The following NALF1 variants were observed in gnomAD, a reference collection of about 807,000 sequenced individuals.
The protein encoded by NALF1 is NALCN channel auxiliary factor 1.
In NALF1, 3 loss-of-function variants were observed where a neutral mutation model predicts 48.4. The ratio of observed to expected loss-of-function variants is 0.06; its 90% CI spans 0.03 to 0.16. The LOEUF (loss-of-function observed/expected upper bound fraction) is 0.16. Among genes scored for constraint, NALF1 ranks in the 10% least tolerant of loss-of-function variants. The pLI is 1.00. For synonymous variants in NALF1, 262 were observed against 245.7 expected, an observed-to-expected ratio of 1.07 and a Z score of -0.62; for missense variants, 526 against 571.5, an observed-to-expected ratio of 0.92 and a Z score of 0.81.
At chr13:107,467,700 A>C (rs2139049095) in intron 1 of NALF1, among the ~76,000 whole-genome samples, 2 of 152,338 alleles carry the variant, frequency 1.3e-5, no homozygotes, top group South Asian at 4.1e-4. Flanking sequence ...GAAAAGTCAA[A>C]TACTTTAAAC....
At chr13:107,640,692 A>G (rs1268567171) in intron 1 of NALF1, among the ~76,000 whole-genome samples, 4 of 152,176 alleles carry the variant, frequency 2.6e-5, no homozygotes, top group African/African-American at 9.7e-5. Flanking sequence ...TTTCATTTGC[A>G]TGAGTATTTT....
intron 1 of NALF1, among the ~76,000 whole-genome samples, chr13:107,670,278 A>G (rs146112796): frequency 6.6e-6 from 1 of 152,024 alleles, no homozygotes; most frequent in Non-Finnish European, 1.5e-5. Context: ...TTTTATATAC[A>G]CTACGTATAC....
At chr13:107,661,291 G>C (rs1351985493) in intron 1 of NALF1, among the ~76,000 whole-genome samples, 1 of 152,156 alleles carries the variant, frequency 6.6e-6, no homozygotes, top group Non-Finnish European at 1.5e-5. Context: ...TTCATCACTA[G>C]AAATGGGTGC....
Position 107,362,422 on chromosome 13 carries a change from C to T in NALF1, c.916-151667G>A, listed in dbSNP as rs1286770745. ...ACCTGTAGAGTAGCATCTTCGCTTG[C>T]CTCCTCCTGACTTTGGAGGTATCAG... On this transcript the variant is annotated intron_variant, in intron 1 of 2. Transcript: ENST00000375915. This position sits in a 1 kb window ranked among gnomAD's most constrained non-coding sequence, Gnocchi z 4.6. 6.6e-6 allele frequency among the ~76,000 whole-genome samples: 1 copy of T among 152,126 alleles called. No individual in the cohort carries two copies. The highest frequency in any genetic ancestry group is 1.5e-5 in the Non-Finnish European group (1 of 68,016).
At chr13:107,303,340 G>C (rs1476955538) in intron 1 of NALF1, among the ~76,000 whole-genome samples, 2 of 152,124 alleles carry the variant, frequency 1.3e-5, no homozygotes, top group Non-Finnish European at 2.9e-5. Flanking sequence ...TGAAGAGCAA[G>C]AGAAGAAACA....
intron 1 of NALF1, among the ~76,000 whole-genome samples, chr13:107,411,965 C>A (rs1365628546): frequency 6.6e-6 from 1 of 152,082 alleles, no homozygotes. Context: ...AACATGGAGG[C>A]CACAAGGTTG....
intron 1 of NALF1, among the ~76,000 whole-genome samples, chr13:107,828,565 TTC>T (rs1566498015): frequency 1.4e-4 from 19 of 135,842 alleles, no homozygotes; most frequent in African/African-American, 2.9e-4. Flanking sequence ...TCATATTAAA[TTC>T]TATCTATCTA....
intron 1 of NALF1, among the ~76,000 whole-genome samples, chr13:107,380,922 G>A (rs916111724): frequency 7.5e-5 from 11 of 146,862 alleles, no homozygotes; most frequent in Non-Finnish European, 1.6e-4. Context: ...AGCTTGCAGA[G>A]AGCAGAGATC....
At chr13:107,706,051 T>C (rs1182362572) in intron 1 of NALF1, among the ~76,000 whole-genome samples, 2 of 152,194 alleles carry the variant, frequency 1.3e-5, no homozygotes, top group Non-Finnish European at 2.9e-5. Flanking sequence ...GTTTTATCTC[T>C]AGTATCGCCA....
intron 1 of NALF1, among the ~76,000 whole-genome samples, chr13:107,761,465 G>A (rs971900037): frequency 6.6e-6 from 1 of 152,154 alleles, no homozygotes; most frequent in African/African-American, 2.4e-5. Flanking sequence ...TAGAAGAAAT[G>A]GGTCCACTTG....
chr13:107,800,211 T>G (rs779345458), intron 1 of NALF1, among the ~76,000 whole-genome samples: 81 of 152,178 alleles, frequency 5.3e-4, no homozygotes, highest in Non-Finnish European at 9.4e-4. Flanking sequence ...CAGGTGTCAT[T>G]TACAATTGCA....
At chr13:107,590,920 T>A (rs2138417316) in intron 1 of NALF1, among the ~76,000 whole-genome samples, 1 of 152,112 alleles carries the variant, frequency 6.6e-6, no homozygotes, top group African/African-American at 2.4e-5. Context: ...ACATTAGCTG[T>A]AGTTGATGGA....
At chr13:107,642,309 G>T (rs754769827) in intron 1 of NALF1, among the ~76,000 whole-genome samples, 14 of 152,120 alleles carry the variant, frequency 9.2e-5, no homozygotes, top group Non-Finnish European at 2.1e-4. Context: ...TATTGGCTAT[G>T]CCCACACAAT....
chr13:107,240,503 T>C (rs1024213267), intron 1 of NALF1, among the ~76,000 whole-genome samples: 7 of 152,168 alleles, frequency 4.6e-5, no homozygotes, highest in African/African-American at 1.7e-4. Context: ...GAAATATGTA[T>C]TTAGTAAGTG....
intron 1 of NALF1, among the ~76,000 whole-genome samples, chr13:107,312,901 A>C (rs1483189671): frequency 6.6e-6 from 1 of 152,208 alleles, no homozygotes; most frequent in Non-Finnish European, 1.5e-5. Context: ...CTAAATAATA[A>C]TAAGTACCAC....
At chr13:107,843,955 C>G (rs997860068) in intron 1 of NALF1, among the ~76,000 whole-genome samples, 2 of 152,072 alleles carry the variant, frequency 1.3e-5, no homozygotes, top group African/African-American at 4.8e-5. Context: ...TACAGTGTTG[C>G]AAAAGTAGGT....
At chr13:107,706,650 G>T (rs115259703) in intron 1 of NALF1, among the ~76,000 whole-genome samples, 2,441 of 152,206 alleles carry the variant, frequency 0.016, 73 homozygotes, top group African/African-American at 0.056. Context: ...ATAAAAGATT[G>T]GATTTTTTAA....
rs1566470684 is a variant in NALF1 at position 107,271,795 on chromosome 13, TATATATATATATATA to T, written c.916-61055_916-61041del. 1.3e-4 allele frequency among the ~76,000 whole-genome samples: 17 copies of T among 134,030 alleles called. 1 individual carries two copies. The highest frequency in any genetic ancestry group is 2.4e-4 in the African/African-American group (8 of 33,914). The allele number at this position is 134,030 out of a possible 152,430, so 87.9% of individuals were successfully genotyped here. Reference sequence around the variant, plus strand: ...TGGACTATATATATATATATATATATATATATATATATATATATATATTTATATATTTATATATAC... The same window carrying T: ...TGGACTATATATATATATATATATATTATATATTTATATATTTATATATAC... On this transcript the variant is annotated intron_variant, in intron 1 of 2. Transcript: ENST00000375915.
intron 1 of NALF1, among the ~76,000 whole-genome samples, chr13:107,643,544 G>A (rs1196860490): frequency 2.8e-5 from 4 of 144,454 alleles, no homozygotes; most frequent in African/African-American, 1.0e-4. Context: ...GTATTTGGTG[G>A]GGGGGGGGTG....
Sources: allele counts gnomAD v4.1 joint callset (sites outside exome capture counted in the v4.1 genomes callset), GRCh38; gene constraint gnomAD v4.1.1; non-coding constraint Gnocchi (gnomAD v3.1); transcripts MANE v1.5; gene names NCBI Gene and HGNC (gene_info 2026-07-23, HGNC 2026-07-21).